The following SHMT1 variants were observed in gnomAD, a reference collection of about 807,000 sequenced individuals.
SHMT1 encodes serine hydroxymethyltransferase 1, also known as serine hydroxymethyltransferase, cytosolic.
A neutral mutation model predicts 49.0 loss-of-function variants in SHMT1; 45 were observed. That is an observed-to-expected ratio of 0.92 (90% CI 0.72 to 1.18). The LOEUF is 1.18. Among genes scored for constraint, SHMT1 ranks in the 50% most tolerant of loss-of-function variants. The probability of loss-of-function intolerance (pLI) is 0.00; values close to 1 mark genes in which losing one functional copy is unlikely to be tolerated. For missense variants in SHMT1, 541 were observed against 612.4 expected (o/e 0.88, Z 1.23); for synonymous variants, 232 against 246.6 (o/e 0.94, Z 0.55).
chr17:18,331,723 C>T (rs1487349573), intron 9 of SHMT1: 1 of 152,268 alleles, frequency 6.6e-6, no homozygotes, highest in Non-Finnish European at 1.5e-5. Flanking sequence ...ATTGCACCAA[C>T]AGCCCCAGGG....
At chr17:18,333,479 T>C (rs1983463139) in intron 8 of SHMT1, 191 bp from the exon 9 acceptor site, 2 of 227,336 alleles carry the variant, frequency 8.8e-6, no homozygotes, top group Admixed American at 1.2e-4. Context: ...TTTTTATTTT[T>C]TTTGAGATGG....
intron 5 of SHMT1, chr17:18,341,093 A>T: frequency 2.0e-6 from 1 of 491,330 alleles, no homozygotes; most frequent in Non-Finnish European, 3.7e-6. Flanking sequence ...GAATGAAACA[A>T]ATGTGACGGG....
At chr17:18,362,002 C>T (rs1211329305) in intron 1 of SHMT1, among the ~76,000 whole-genome samples, 1 of 152,164 alleles carries the variant, frequency 6.6e-6, no homozygotes, top group Non-Finnish European at 1.5e-5. Context: ...ACCAGCCTCC[C>T]CATGCCTCCA....
intron 5 of SHMT1, chr17:18,341,756 AAACATC>A (rs1984549311): frequency 6.6e-6 from 1 of 152,304 alleles, no homozygotes; most frequent in Non-Finnish European, 1.5e-5. Context: ...CCTTTACACA[AAACATC>A]ATTGCGTTGT....
At chr17:18,351,759 C>T (rs148379090) in intron 3 of SHMT1, among the ~76,000 whole-genome samples, 10 of 151,674 alleles carry the variant, frequency 6.6e-5, no homozygotes, top group East Asian at 5.9e-4. Flanking sequence ...CGTGACAGAG[C>T]GATACTCCGT....
In SHMT1 at chr17:18,333,409, G is replaced by A. The variant is rs112814170; in HGVS notation, c.932-121C>T. The A allele has an allele frequency of 1.7e-4, 135 of 788,210 alleles. 1 individual carries two copies. The highest frequency in any genetic ancestry group is 2.1e-4 in the Non-Finnish European group (106 of 507,380). The allele number at this position is 788,210 out of a possible 1,614,324, so 48.8% of individuals were successfully genotyped here. On this transcript the variant is annotated intron_variant, in intron 8 of 11. Coordinates refer to ENST00000316694, the MANE Select transcript of SHMT1 (RefSeq NM_004169.5). ...CTTTTCAATGTCACCCCTTGCTTTTGCGTTGGATTATCTTTTCCTCCAAAA... is the reference window on the plus strand; with the variant it reads ...CTTTTCAATGTCACCCCTTGCTTTTACGTTGGATTATCTTTTCCTCCAAAA...
intron 5 of SHMT1, among the ~76,000 whole-genome samples, chr17:18,342,941 A>C (rs575598575): frequency 9.2e-5 from 14 of 152,104 alleles, no homozygotes; most frequent in Admixed American, 8.5e-4. Context: ...GTCTCAAAAA[A>C]AAAAAATTAA....
chr17:18,348,215 C>T lies in SHMT1; in HGVS notation c.358+110G>A, dbSNP rs572272163. The T allele has an allele frequency of 4.0e-4, 320 of 804,058 alleles. 2 individuals are homozygous for T. The highest frequency in any genetic ancestry group is 3.8e-3 in the East Asian group (140 of 37,028). The allele number at this position is 804,058 out of a possible 1,614,324, so 49.8% of individuals were successfully genotyped here. The stretch of plus-strand genomic sequence containing the variant: ...GATTACAGGCGTGAGCCACTGGGCC[C>T]GGCCTATGGCAGTCCATGGCAGTCC... On this transcript the variant is annotated intron_variant, in intron 4 of 11. Coordinates refer to ENST00000316694, the MANE Select transcript of SHMT1 (RefSeq NM_004169.5).
At chr17:18,347,384 C>A in intron 5 of SHMT1, 112 bp downstream of exon 5, 2 of 1,213,132 alleles carry the variant, frequency 1.6e-6, no homozygotes, top group South Asian at 2.4e-5. Flanking sequence ...AAAAACGGTG[C>A]GAGGTGGGGA....
At position 18,363,002 on chromosome 17, in the gene SHMT1, A is replaced by C. The variant is rs551554211; in HGVS notation, c.-20+370T>G. 3 of 152,404 alleles carry C rather than the reference A, an allele frequency of 2.0e-5. No individual in the cohort carries two copies. The East Asian group carries it at 5.8e-4, about 29-fold the overall frequency. The allele number at this position is 152,404 out of a possible 1,614,324, so 9.4% of individuals were successfully genotyped here. ...ACCTTCCTCACCTGTAAAATGGGGGAAACAGTAGCACTTGACTTGCAGCTT... is the reference window on the plus strand; with the variant it reads ...ACCTTCCTCACCTGTAAAATGGGGGCAACAGTAGCACTTGACTTGCAGCTT... On this transcript the variant is annotated intron_variant, in intron 1 of 11. Coordinates refer to ENST00000316694, the MANE Select transcript of SHMT1 (RefSeq NM_004169.5).
At chr17:18,336,953 A>G (rs1479797586) in intron 7 of SHMT1, among the ~76,000 whole-genome samples, 3 of 152,164 alleles carry the variant, frequency 2.0e-5, no homozygotes, top group Admixed American at 2.0e-4. Context: ...CCCCAAAAAT[A>G]AAATTTAAAG....
intron 1 of SHMT1, among the ~76,000 whole-genome samples, chr17:18,362,174 G>A (rs1986836597): frequency 6.6e-6 from 1 of 152,226 alleles, no homozygotes; most frequent in Non-Finnish European, 1.5e-5. Flanking sequence ...CCATATAAGA[G>A]CCAGAATCTG....
In SHMT1 at chr17:18,330,289, C is replaced by T. The variant is rs531513668; in HGVS notation, c.1171+266G>A. ...TAGCTGGGATTACGGGCATGCACCA[C>T]CATGCCCAGCTAATTCTTCTATTTT... On this transcript the variant is annotated intron_variant, in intron 10 of 11. Coordinates refer to ENST00000316694, the MANE Select transcript of SHMT1 (RefSeq NM_004169.5). 3.5e-4 allele frequency among the ~76,000 whole-genome samples: 54 copies of T among 152,284 alleles called. No individual in the cohort carries two copies. In the South Asian group the frequency reaches 0.011, roughly 31 times the overall value.
At chr17:18,333,807 C>A (rs1983505046) in intron 8 of SHMT1, among the ~76,000 whole-genome samples, 1 of 148,238 alleles carries the variant, frequency 6.7e-6, no homozygotes, top group Non-Finnish European at 1.5e-5. Flanking sequence ...GAGACAGGGT[C>A]TCACTCCCAT....
At chr17:18,361,489 CAAAA>C (rs1326924160) in intron 1 of SHMT1, among the ~76,000 whole-genome samples, 1 of 138,796 alleles carries the variant, frequency 7.2e-6, no homozygotes, top group Non-Finnish European at 1.6e-5. Context: ...AAAAAAAAAA[CAAAA>C]AAGAAAAAAG....
In SHMT1 at chr17:18,340,113, G is replaced by A; in HGVS notation, c.744C>T (p.Cys248=). The A allele has an allele frequency of 6.2e-7, 1 of 1,614,108 alleles. No individual in the cohort carries two copies. Among genetic ancestry groups the A allele is most frequent in the Non-Finnish European group, 8.5e-7 (1 of 1,180,022 alleles). The part of the protein sequence containing the change: ...AGVVPSPFEH[C]HVVTTTTHKT... Reference sequence around the variant, plus strand: ...TGTGAGTGGTGGTGGTCACCACATGGCAGTGTTCAAATGGGGAGGGCACCA... The same window carrying A: ...TGTGAGTGGTGGTGGTCACCACATGACAGTGTTCAAATGGGGAGGGCACCA... Residue 248 remains cysteine (C), a synonymous_variant, in exon 7 of 12, where the codon TGC becomes TGT. Transcript: ENST00000316694. The surrounding 1 kb of genome is among the most constrained non-coding windows in gnomAD (Gnocchi z 4.5).
At chr17:18,329,435 G>A in intron 10 of SHMT1, 47 bp from the exon 11 acceptor site, 1 of 1,411,732 alleles carries the variant, frequency 7.1e-7, no homozygotes, top group Non-Finnish European at 9.9e-7. Flanking sequence ...TGTCACCACT[G>A]TGATGGTGGT....
chr17:18,337,170 G>C (rs1983883990), intron 7 of SHMT1, among the ~76,000 whole-genome samples: 2 of 152,150 alleles, frequency 1.3e-5, no homozygotes, highest in South Asian at 4.1e-4. Context: ...CAAAGGGACA[G>C]GTACTATTAT....
intron 3 of SHMT1, among the ~76,000 whole-genome samples, chr17:18,349,507 C>A (rs548831045): frequency 6.6e-6 from 1 of 152,144 alleles, no homozygotes; most frequent in East Asian, 1.9e-4. Flanking sequence ...CTGCTTGAGG[C>A]CAGGAGTTCA....
Sources: gnomAD v4.1 joint callset for allele counts (sites outside exome capture counted in the v4.1 genomes callset) on GRCh38, gnomAD v4.1.1 for gene constraint, Gnocchi (gnomAD v3.1) non-coding constraint, MANE v1.5 for transcripts, NCBI Gene and HGNC (gene_info 2026-07-23, HGNC 2026-07-21) for gene names.